Variants in SYNPR observed in about 807,000 individuals in gnomAD.
SYNPR encodes the protein synaptoporin.
A neutral mutation model predicts 32.9 loss-of-function variants in SYNPR; 23 were observed. The observed-to-expected ratio is 0.70, with a 90% CI of 0.50 to 0.99. SYNPR has a LOEUF of 0.99. Ranked by LOEUF, SYNPR falls within the 50% of genes least tolerant of loss-of-function variation. SYNPR has a pLI of 0.00. For synonymous variants in SYNPR, 146 were observed against 135.9 expected (o/e 1.07, Z -0.52); for missense variants, 318 against 349.3 (o/e 0.91, Z 0.71).
intron 1 of SYNPR, among the ~76,000 whole-genome samples, chr3:63,231,254 C>T (rs936085790): frequency 1.9e-4 from 29 of 152,036 alleles, no homozygotes; most frequent in Admixed American, 1.8e-3. Flanking sequence ...GAATGTAAAA[C>T]CACTTATAAG....
intron 2 of SYNPR, among the ~76,000 whole-genome samples, chr3:63,474,564 A>C (rs978361341): frequency 6.6e-6 from 1 of 151,944 alleles, no homozygotes; most frequent in African/African-American, 2.4e-5. Context: ...AGTTGTGTAG[A>C]TCTCCTCCTG....
intron 2 of SYNPR, among the ~76,000 whole-genome samples, chr3:63,450,900 T>TA (rs1700367606): frequency 1.3e-5 from 2 of 152,130 alleles, no homozygotes; most frequent in Admixed American, 6.5e-5. Context: ...TTTGCCAAGA[T>TA]AAAAGGCCTT....
At chr3:63,242,318 C>G (rs1206285576) in intron 1 of SYNPR, among the ~76,000 whole-genome samples, 1 of 151,992 alleles carries the variant, frequency 6.6e-6, no homozygotes, top group Admixed American at 6.6e-5. Flanking sequence ...GAGGGTACCC[C>G]AGGACACAGG....
chr3:63,477,229 C>T (rs1181764425), intron 2 of SYNPR, among the ~76,000 whole-genome samples: 2 of 152,098 alleles, frequency 1.3e-5, no homozygotes, highest in African/African-American at 4.8e-5. Context: ...CCTCCAGTCC[C>T]CTCTCCTCAC....
chr3:63,563,589 C>A lies in SYNPR; in HGVS notation c.408+6848C>A, dbSNP rs1702731047. 2.6e-5 allele frequency among the ~76,000 whole-genome samples: 4 copies of A among 152,124 alleles called. No homozygotes were observed. The South Asian group carries it at 8.3e-4, about 32-fold the overall frequency. ...CTCCTTTCCTCTTCTCTCCTCTTTT[C>A]TCTCCCCATTCTCCTCTCTCCTGTT... is the stretch of plus-strand genomic sequence containing the variant. On this transcript the variant is annotated intron_variant, in intron 4 of 5. Transcript: ENST00000478300.
intron 3 of SYNPR, among the ~76,000 whole-genome samples, chr3:63,523,323 C>T (rs1284631082): frequency 6.6e-6 from 1 of 152,086 alleles, no homozygotes; most frequent in East Asian, 1.9e-4. Flanking sequence ...GTCTGGCTTC[C>T]TGTTGTCTTT....
intron 3 of SYNPR, among the ~76,000 whole-genome samples, chr3:63,511,888 A>G (rs1168336539): frequency 2.0e-5 from 3 of 152,156 alleles, no homozygotes; most frequent in African/African-American, 7.2e-5. Flanking sequence ...AAAGATTATA[A>G]AAGTAACATA....
chr3:63,216,859 G>T, the SYNPR span, among the ~76,000 whole-genome samples: 2 of 50,580 alleles, frequency 4.0e-5, 1 homozygote, highest in African/African-American at 1.3e-4. Flanking sequence ...TTTGGTCTTA[G>T]ATGATGGTGA....
At chr3:63,313,158 G>C (rs1169686833) in intron 2 of SYNPR, among the ~76,000 whole-genome samples, 1 of 151,974 alleles carries the variant, frequency 6.6e-6, no homozygotes, top group Non-Finnish European at 1.5e-5. Flanking sequence ...ATGAATAAAT[G>C]AATGAGTATC....
intron 2 of SYNPR, among the ~76,000 whole-genome samples, chr3:63,436,503 G>T (rs758266716): frequency 6.6e-6 from 1 of 152,020 alleles, no homozygotes; most frequent in East Asian, 1.9e-4. Flanking sequence ...AACCTGAGTC[G>T]CCTTGTCTCC....
chr3:63,342,291 T>G (rs972562002), intron 2 of SYNPR, among the ~76,000 whole-genome samples: 2 of 152,216 alleles, frequency 1.3e-5, no homozygotes, highest in African/African-American at 2.4e-5. Context: ...AAGAAGTTCC[T>G]CTTTAATTCT....
intron 3 of SYNPR, among the ~76,000 whole-genome samples, chr3:63,529,706 G>T (rs539007775): frequency 2.0e-5 from 3 of 152,260 alleles, no homozygotes; most frequent in Admixed American, 2.0e-4. Context: ...AATAACAAAA[G>T]AATTAAGTAA....
chr3:63,388,556 T>TTGTGTGTG (rs749669898), intron 2 of SYNPR, among the ~76,000 whole-genome samples: 33,314 of 127,694 alleles, frequency 0.26, 4,942 homozygotes, highest in East Asian at 0.38. Flanking sequence ...CCCGGCTAAT[T>TTGTGTGTG]TGTGTGTGTG....
chr3:63,228,405 T>G (rs768006560), intron 1 of SYNPR: 1 of 152,212 alleles, frequency 6.6e-6, no homozygotes, highest in East Asian at 1.9e-4. Flanking sequence ...TCATTTTACA[T>G]AGCAAACAGT....
intron 1 of SYNPR, among the ~76,000 whole-genome samples, chr3:63,245,450 T>G (rs915962294): frequency 1.3e-5 from 2 of 152,042 alleles, no homozygotes; most frequent in African/African-American, 4.8e-5. Flanking sequence ...ACATTAACTC[T>G]GGTGGGCATT....
intron 2 of SYNPR, among the ~76,000 whole-genome samples, chr3:63,368,950 A>G (rs1392266054): frequency 6.6e-6 from 1 of 152,216 alleles, no homozygotes; most frequent in Non-Finnish European, 1.5e-5. Flanking sequence ...CAAGATAGGG[A>G]GAAATAAATC....
At chr3:63,426,099 A>T (rs1699888766) in intron 2 of SYNPR, among the ~76,000 whole-genome samples, 1 of 152,176 alleles carries the variant, frequency 6.6e-6, no homozygotes, top group South Asian at 2.1e-4. Context: ...ATACACTTTT[A>T]AAAATGTCCT....
intron 2 of SYNPR, among the ~76,000 whole-genome samples, chr3:63,418,703 C>G (rs921262708): frequency 2.6e-5 from 4 of 152,158 alleles, no homozygotes; most frequent in African/African-American, 9.7e-5. Context: ...GGCAAGCTCT[C>G]CCTTATAAAA....
Position 63,281,784 on chromosome 3 carries a change from C to G in SYNPR, c.84+3042C>G, listed in dbSNP as rs549692296. On this transcript the variant is annotated intron_variant, in intron 2 of 5. Transcript: ENST00000478300. ...GCAATATTCTCAAGAATATTTATTG[C>G]AACATCATCTGTAGTGAAAAGAACT... Among the ~76,000 whole-genome samples the G allele has an allele frequency of 8.9e-4, 135 of 152,120 alleles. 5 individuals carry two copies. Among genetic ancestry groups the G allele is most frequent in the Non-Finnish European group, 2.5e-4 (17 of 68,030 alleles).
Sources: allele counts gnomAD v4.1 joint callset (sites outside exome capture counted in the v4.1 genomes callset), GRCh38; gene constraint gnomAD v4.1.1; transcripts MANE v1.5; gene names NCBI Gene and HGNC (gene_info 2026-07-23, HGNC 2026-07-21).